The following RAI1 variants were observed in gnomAD, a reference collection of about 807,000 sequenced individuals.
The protein encoded by RAI1 is retinoic acid induced 1, also known as retinoic acid-induced protein 1.
A neutral mutation model predicts 123.8 loss-of-function variants in RAI1; 9 were observed. The ratio of observed to expected loss-of-function variants is 0.07; its 90% CI spans 0.04 to 0.13. The LOEUF is 0.13. Among genes scored for constraint, RAI1 ranks in the 10% least tolerant of loss-of-function variants. The pLI is 1.00. For synonymous variants in RAI1, 1,231 were observed against 1,127.3 expected (o/e 1.09, Z -1.84); for missense variants, 2,256 against 2,545.8 (o/e 0.89, Z 2.45).
rs779177135 is a variant in RAI1, at chr17:17,811,291, AGAC to A, written c.*1314_*1316del. On this transcript the variant is annotated 3_prime_UTR_variant, in exon 6 of 6. Coordinates refer to ENST00000353383, the MANE Select transcript of RAI1 (RefSeq NM_030665.4). ...ATATATATGAAGACTGTAAATGTTAAGACGACTAGTGTTCTTATTAGTATATTG... is the reference window on the plus strand; with the variant it reads ...ATATATATGAAGACTGTAAATGTTAAGACTAGTGTTCTTATTAGTATATTG... 2.2e-4 allele frequency: 69 copies of A among 307,126 alleles called. No homozygotes were observed. The highest frequency in any genetic ancestry group is 3.8e-4 in the Non-Finnish European group (60 of 156,288). The allele number at this position is 307,126 out of a possible 1,614,324, so 19.0% of individuals were successfully genotyped here. A position where few individuals can be genotyped will look rare whatever the true frequency, so the allele number is the denominator to read the frequency against.
At chr17:17,787,271 C>T (rs2031856786) in intron 2 of RAI1, among the ~76,000 whole-genome samples, 1 of 152,130 alleles carries the variant, frequency 6.6e-6, no homozygotes, top group Non-Finnish European at 1.5e-5. Flanking sequence ...AGCCTGGCCT[C>T]GTGGGGGAAG....
intron 2 of RAI1, among the ~76,000 whole-genome samples, chr17:17,746,109 C>T (rs4925108): frequency 0.41 from 62,468 of 151,940 alleles, 16,414 homozygotes; most frequent in Non-Finnish European, 0.6. Context: ...CTGTCAGCCC[C>T]GAGCACTGGA....
At chr17:17,767,416 A>C (rs1285728479) in intron 2 of RAI1, among the ~76,000 whole-genome samples, 1 of 152,172 alleles carries the variant, frequency 6.6e-6, no homozygotes, top group Non-Finnish European at 1.5e-5. Flanking sequence ...CGCTGAAAAA[A>C]AAAAAAAGAT....
At chr17:17,731,937 AGAGG>A (rs1459005618) in intron 2 of RAI1, among the ~76,000 whole-genome samples, 1 of 152,108 alleles carries the variant, frequency 6.6e-6, no homozygotes, top group Non-Finnish European at 1.5e-5. Flanking sequence ...CTCAGCACAG[AGAGG>A]GAGGAACAGT....
chr17:17,721,758 C>A (rs1915889788), intron 1 of RAI1, among the ~76,000 whole-genome samples: 1 of 152,184 alleles, frequency 6.6e-6, no homozygotes, highest in Non-Finnish European at 1.5e-5. Flanking sequence ...TGACCCTGGT[C>A]CCCAAGACAG....
chr17:17,766,310 T>G (rs1476780858), intron 2 of RAI1: 1 of 152,152 alleles, frequency 6.6e-6, no homozygotes, highest in Admixed American at 6.5e-5. Context: ...TGCCTGCCAG[T>G]TATGAGAAAG....
At chr17:17,694,657 G>C (rs1244123897) in intron 1 of RAI1, among the ~76,000 whole-genome samples, 7 of 151,746 alleles carry the variant, frequency 4.6e-5, no homozygotes, top group African/African-American at 7.2e-5. Context: ...TGGCCGCGCC[G>C]GAGCCTCCTC....
chr17:17,803,127 A>T lies in RAI1; in HGVS notation c.5566-629A>T, dbSNP rs112586279. ...AAAAAAAGCAAGCCAGTGGGCAAGGACACACACCACGCCCAGCACACCAGA... is the reference window on the plus strand; with the variant it reads ...AAAAAAAGCAAGCCAGTGGGCAAGGTCACACACCACGCCCAGCACACCAGA... On this transcript the variant is annotated intron_variant, in intron 3 of 5. Transcript: ENST00000353383. Among the ~76,000 whole-genome samples, 440 of 150,108 alleles carry T rather than the reference A, an allele frequency of 2.9e-3. 2 individuals carry two copies. Among genetic ancestry groups the T allele is most frequent in the African/African-American group, 0.01 (414 of 40,846 alleles).
chr17:17,706,022 CAAAAAAAAAA>C (rs1197967787), intron 1 of RAI1, among the ~76,000 whole-genome samples: 7 of 37,384 alleles, frequency 1.9e-4, no homozygotes, highest in South Asian at 2.4e-3. Context: ...GACTCTGTCT[CAAAAAAAAAA>C]AAAAAAAAAA....
chr17:17,796,896 C>T lies in RAI1; in HGVS notation c.3948C>T (p.Thr1316=). 2 of 1,613,290 alleles carry T rather than the reference C, an allele frequency of 1.2e-6. No individual in the cohort carries two copies. The highest frequency in any genetic ancestry group is 2.2e-5 in the East Asian group (1 of 44,872). ...SRAAFQGAMK[T]KVLPPRKGRG... Reference sequence around the variant, plus strand: ...CAGCCTTCCAGGGGGCCATGAAGACCAAGGTGCTGCCACCCCGGAAGGGCC... The same window carrying T: ...CAGCCTTCCAGGGGGCCATGAAGACTAAGGTGCTGCCACCCCGGAAGGGCC... Residue 1316 remains threonine (T), a synonymous_variant, in exon 3 of 6, where the codon ACC becomes ACT. Transcript: ENST00000353383. This position sits in a 1 kb window ranked among gnomAD's most constrained non-coding sequence, Gnocchi z 5.8.
intron 1 of RAI1, among the ~76,000 whole-genome samples, chr17:17,690,034 T>C (rs1246583236): frequency 6.6e-6 from 1 of 152,040 alleles, no homozygotes; most frequent in African/African-American, 2.4e-5. Context: ...TGTGAGGCCT[T>C]ATTGACCTGG....
Position 17,800,196 on chromosome 17 carries a change from CT to C in RAI1, c.5565+1684del, listed in dbSNP as rs2032410522. ...TCTCTCTCTGTCTCTCTCTCTCTCT[CT>C]CTCTCTCTCTCTCTCTCTCTCTCTC... On this transcript the variant is annotated intron_variant, in intron 3 of 5. Transcript: ENST00000353383. This position sits in a 1 kb window ranked among gnomAD's most constrained non-coding sequence, Gnocchi z 4.7. Among the ~76,000 whole-genome samples the C allele has an allele frequency of 7.7e-6, 1 of 129,310 alleles. No homozygotes were observed. The highest frequency in any genetic ancestry group is 1.7e-5 in the Non-Finnish European group (1 of 59,674). 84.8% of individuals were successfully genotyped at this position (129,310 alleles called of 152,430 possible). A position where few individuals can be genotyped will look rare whatever the true frequency, so the allele number is the denominator to read the frequency against.
In RAI1 at chr17:17,793,158, AGCC is replaced by A. The variant is rs755959412; in HGVS notation, c.213_215del (p.Ala72del). The A allele has an allele frequency of 6.2e-7, 1 of 1,613,270 alleles. No homozygotes were observed. Among genetic ancestry groups the A allele is most frequent in the East Asian group, 2.2e-5 (1 of 44,864 alleles). On this transcript the variant is annotated inframe_deletion, in exon 3 of 6. Coordinates refer to ENST00000353383, the MANE Select transcript of RAI1 (RefSeq NM_030665.4). The stretch of plus-strand genomic sequence containing the variant: ...GCGCTGGCACGCCCTCTGGCACTGC[AGCC>A]GCGGTGGCCGCCGACAAGTACCACC...
chr17:17,792,345 G>T (rs1318801018), intron 2 of RAI1, among the ~76,000 whole-genome samples: 4 of 152,102 alleles, frequency 2.6e-5, no homozygotes, highest in African/African-American at 9.7e-5. Flanking sequence ...GCGTGTGTGT[G>T]TGAGCATACA....
intron 2 of RAI1, among the ~76,000 whole-genome samples, chr17:17,746,792 C>A (rs1441926978): frequency 6.6e-6 from 1 of 152,006 alleles, no homozygotes; most frequent in Non-Finnish European, 1.5e-5. Context: ...TGCACCACCA[C>A]GCCCGGCTAA....
At chr17:17,696,341 TA>T (rs1038573580) in intron 1 of RAI1, among the ~76,000 whole-genome samples, 3 of 151,476 alleles carry the variant, frequency 2.0e-5, no homozygotes, top group Non-Finnish European at 2.9e-5. Context: ...TATGACAAAT[TA>T]AAAAAAAATT....
chr17:17,744,712 C>T (rs986261052), intron 2 of RAI1, among the ~76,000 whole-genome samples: 5 of 145,446 alleles, frequency 3.4e-5, no homozygotes, highest in African/African-American at 1.1e-4. Flanking sequence ...ATCTCTTGAA[C>T]GCAGGAGGTG....
chr17:17,724,368 G>A (rs1247507848), intron 2 of RAI1, among the ~76,000 whole-genome samples: 2 of 150,998 alleles, frequency 1.3e-5, no homozygotes, highest in Non-Finnish European at 3.0e-5. Flanking sequence ...CACGCTGGTT[G>A]AGGGAATCGG....
chr17:17,681,486 G>A lies in RAI1; in HGVS notation c.-456G>A, dbSNP rs1016332087. ...TTCCTCGCGGCACCCGCGGACACCA[G>A]GCAGGCCCGGCCGGGTGCGCGGCCA... On this transcript the variant is annotated 5_prime_UTR_variant, in exon 1 of 6. Coordinates refer to ENST00000353383, the MANE Select transcript of RAI1 (RefSeq NM_030665.4). The A allele has an allele frequency of 8.2e-5, 14 of 170,008 alleles. No homozygotes were observed. Among genetic ancestry groups the A allele is most frequent in the African/African-American group, 3.4e-4 (14 of 41,664 alleles). The allele number at this position is 170,008 out of a possible 1,614,324, so 10.5% of individuals were successfully genotyped here. A position where few individuals can be genotyped will look rare whatever the true frequency, so the allele number is the denominator to read the frequency against.
Sources: gnomAD v4.1 joint callset for allele counts (sites outside exome capture counted in the v4.1 genomes callset) on GRCh38, gnomAD v4.1.1 for gene constraint, Gnocchi (gnomAD v3.1) non-coding constraint, MANE v1.5 for transcripts, NCBI Gene and HGNC (gene_info 2026-07-23, HGNC 2026-07-21) for gene names.